The following PRKG2 variants were observed in gnomAD, a reference collection of about 807,000 sequenced individuals.
The protein encoded by PRKG2 is protein kinase cGMP-dependent 2, also known as cGMP-dependent protein kinase 2.
Under a neutral mutation model 97.2 loss-of-function variants are expected in PRKG2, and 33 were observed. That is an observed-to-expected ratio of 0.34 (90% CI 0.26 to 0.45). PRKG2 has a LOEUF of 0.45. Ranked by LOEUF, PRKG2 falls within the 20% of genes least tolerant of loss-of-function variation. PRKG2 has a pLI of 1.00. For missense variants in PRKG2, 638 were observed against 900.0 expected (o/e 0.71, Z 3.73); for synonymous variants, 330 against 321.8 (o/e 1.03, Z -0.27).
At chr4:81,154,595 C>T (rs1748817009) in intron 6 of PRKG2, among the ~76,000 whole-genome samples, 1 of 147,928 alleles carries the variant, frequency 6.8e-6, no homozygotes, top group South Asian at 2.1e-4. Flanking sequence ...ACAGAAAGGA[C>T]ATCCACAGCA....
In PRKG2 at chr4:81,144,331, C is replaced by A; in HGVS notation, c.1155-1G>T. 1.2e-6 allele frequency: 2 copies of A among 1,600,900 alleles called. No homozygotes were observed. Among genetic ancestry groups the A allele is most frequent in the South Asian group, 2.2e-5 (2 of 90,528 alleles). On this transcript the variant is annotated splice_acceptor_variant, in intron 9 of 18. Coordinates refer to ENST00000264399, the MANE Select transcript of PRKG2 (RefSeq NM_006259.3). LOFTEE classifies it high-confidence loss of function. ...TGTACCGACAGTTTGGTTGAATGTT[C>A]TAAATAGATAGAATAAAGTAAAATG...
At chr4:81,138,953 G>A (rs1560570825) in intron 12 of PRKG2, among the ~76,000 whole-genome samples, 1 of 152,280 alleles carries the variant, frequency 6.6e-6, no homozygotes, top group East Asian at 1.9e-4. Flanking sequence ...GATGGATAGG[G>A]AGAAAGAGTC....
intron 5 of PRKG2, among the ~76,000 whole-genome samples, chr4:81,169,045 G>A (rs1750233653): frequency 6.6e-6 from 1 of 151,816 alleles, no homozygotes; most frequent in African/African-American, 2.4e-5. Context: ...TGTGAGACTA[G>A]TTTTTTTCAC....
rs1748348655 is a variant in PRKG2, at chr4:81,151,033, A to G, written c.1085+927T>C. ...AGATTTGTGATTTTTAAAGACTCAA[A>G]TTTGTCTTCAGGTAATATCTGAACA... is the stretch of plus-strand genomic sequence containing the variant. On this transcript the variant is annotated intron_variant, in intron 8 of 18. Coordinates refer to ENST00000264399, the MANE Select transcript of PRKG2 (RefSeq NM_006259.3). Among the ~76,000 whole-genome samples, 2 of 152,046 alleles carry G rather than the reference A, an allele frequency of 1.3e-5. 1 individual carries two copies. Among genetic ancestry groups the G allele is most frequent in the South Asian group, 4.1e-4 (2 of 4,826 alleles).
At chr4:81,180,160 A>AAATG (rs1175626864) in intron 2 of PRKG2, among the ~76,000 whole-genome samples, 1 of 152,112 alleles carries the variant, frequency 6.6e-6, no homozygotes, top group Non-Finnish European at 1.5e-5. Context: ...ATAAATAAAT[A>AAATG]AATGAATGAA....
chr4:81,133,385 A>T (rs1292233185), intron 14 of PRKG2, among the ~76,000 whole-genome samples: 1 of 152,112 alleles, frequency 6.6e-6, no homozygotes. Context: ...CCCACACTAC[A>T]TAAGTCCAAC....
In PRKG2 at chr4:81,189,066, T is replaced by TAAAAAAAAAAAAAAAAAAAAAAAAAAA; in HGVS notation, c.462-14108_462-14107insTTTTTTTTTTTTTTTTTTTTTTTTTTT. Among the ~76,000 whole-genome samples, 6 of 17,062 alleles carry TAAAAAAAAAAAAAAAAAAAAAAAAAAA rather than the reference T, an allele frequency of 3.5e-4. 1 individual carries two copies. The highest frequency in any genetic ancestry group is 4.6e-4 in the Non-Finnish European group (6 of 12,996). 11.2% of individuals were successfully genotyped at this position (17,062 alleles called of 152,430 possible). On this transcript the variant is annotated intron_variant, in intron 2 of 18. Coordinates refer to ENST00000264399, the MANE Select transcript of PRKG2 (RefSeq NM_006259.3). ...AAAAAAAAAAGATTAAAAAAAATAA[T>TAAAAAAAAAAAAAAAAAAAAAAAAAAA]AAAAAAAAAAAAAAAAAAAAAAAAA...
At chr4:81,156,880 A>C (rs1281301662) in intron 6 of PRKG2, among the ~76,000 whole-genome samples, 1 of 152,214 alleles carries the variant, frequency 6.6e-6, no homozygotes, top group Non-Finnish European at 1.5e-5. Context: ...TTTGAAACCA[A>C]CAAGAACAAA....
intron 2 of PRKG2, among the ~76,000 whole-genome samples, chr4:81,189,066 T>TA: frequency 0.37 from 6,311 of 16,886 alleles, 1,614 homozygotes; most frequent in Non-Finnish European, 0.41. Context: ...AAAAAAATAA[T>TA]AAAAAAAAAA....
At chr4:81,146,267 CCACT>C (rs1185092245) in intron 9 of PRKG2, among the ~76,000 whole-genome samples, 1 of 152,118 alleles carries the variant, frequency 6.6e-6, no homozygotes, top group Non-Finnish European at 1.5e-5. Context: ...TAGAAATTCT[CCACT>C]AACTAATCCT....
chr4:81,171,632 C>A (rs1750486171), intron 4 of PRKG2, 59 bp downstream of exon 4: 1 of 1,335,302 alleles, frequency 7.5e-7, no homozygotes. Context: ...TGTGACTGGA[C>A]TAGATTATCT....
In PRKG2 at chr4:81,087,554, G is replaced by GT. The variant is rs1248930209; in HGVS notation, c.*2153dup. On this transcript the variant is annotated 3_prime_UTR_variant, in exon 19 of 19. Coordinates refer to ENST00000264399, the MANE Select transcript of PRKG2 (RefSeq NM_006259.3). ...AGTAGCTCCCGTCTATGCAGCAATG[G>GT]TTATTTCACAGATACCGGGCAAAAG... 6.6e-6 allele frequency: 1 copy of GT among 152,076 alleles called. No individual in the cohort carries two copies. Among genetic ancestry groups the GT allele is most frequent in the Non-Finnish European group, 1.5e-5 (1 of 67,968 alleles). 9.4% of individuals were successfully genotyped at this position (152,076 alleles called of 1,614,324 possible).
At chr4:81,207,668 C>T (rs1293777861) in intron 1 of PRKG2, among the ~76,000 whole-genome samples, 2 of 152,116 alleles carry the variant, frequency 1.3e-5, no homozygotes, top group Non-Finnish European at 2.9e-5. Flanking sequence ...CACCAATTAT[C>T]CTCTGGTTTA....
At position 81,167,473 on chromosome 4, in the gene PRKG2, G is replaced by GA. The variant is rs3832311; in HGVS notation, c.849-250dup. Reference sequence around the variant, plus strand: ...AAAATAGTAAGATACCAGACAGGGGGAAAAAAATCACATTTTGTCTATTTG... The same window carrying GA: ...AAAATAGTAAGATACCAGACAGGGGGAAAAAAAATCACATTTTGTCTATTTG... On this transcript the variant is annotated intron_variant, in intron 5 of 18. Coordinates refer to ENST00000264399, the MANE Select transcript of PRKG2 (RefSeq NM_006259.3). Among the ~76,000 whole-genome samples the GA allele has an allele frequency of 4.1e-4, 63 of 152,064 alleles. 1 individual carries two copies. The highest frequency in any genetic ancestry group is 1.4e-3 in the African/African-American group (57 of 41,508).
chr4:81,129,351 T>A (rs1745926951), intron 14 of PRKG2, among the ~76,000 whole-genome samples: 1 of 152,152 alleles, frequency 6.6e-6, no homozygotes, highest in Non-Finnish European at 1.5e-5. Flanking sequence ...TGACAGCAAT[T>A]CCTGAATATT....
In PRKG2 at chr4:81,189,066, T is replaced by TAAAAAAAAAAAAAAAAAAAAAA; in HGVS notation, c.462-14129_462-14108dup. Among the ~76,000 whole-genome samples the TAAAAAAAAAAAAAAAAAAAAAA allele has an allele frequency of 5.9e-4, 10 of 17,054 alleles. 3 individuals are homozygous for TAAAAAAAAAAAAAAAAAAAAAA. Among genetic ancestry groups the TAAAAAAAAAAAAAAAAAAAAAA allele is most frequent in the East Asian group, 6.8e-3 (2 of 294 alleles). 11.2% of individuals were successfully genotyped at this position (17,054 alleles called of 152,430 possible). On this transcript the variant is annotated intron_variant, in intron 2 of 18. Transcript: ENST00000264399. ...AAAAAAAAAAGATTAAAAAAAATAA[T>TAAAAAAAAAAAAAAAAAAAAAA]AAAAAAAAAAAAAAAAAAAAAAAAA...
intron 2 of PRKG2, among the ~76,000 whole-genome samples, chr4:81,189,066 T>TAAAATAAAAAAAA (rs1752192390): frequency 1.2e-4 from 2 of 17,062 alleles, no homozygotes; most frequent in African/African-American, 7.9e-4. Context: ...AAAAAAATAA[T>TAAAATAAAAAAAA]AAAAAAAAAA....
chr4:81,105,976 G>T, intron 15 of PRKG2, 41 bp from the exon 16 acceptor site: 5 of 1,563,262 alleles, frequency 3.2e-6, no homozygotes, highest in South Asian at 2.4e-5. Context: ...TTAATAACAG[G>T]GTCTGAGATC....
intron 12 of PRKG2, among the ~76,000 whole-genome samples, chr4:81,139,595 G>T (rs193197376): frequency 6.7e-6 from 1 of 149,572 alleles, no homozygotes; most frequent in Non-Finnish European, 1.5e-5. Flanking sequence ...GTGAAACCCC[G>T]TCTCTACTAA....
Sources: gnomAD v4.1 joint callset for allele counts (sites outside exome capture counted in the v4.1 genomes callset) on GRCh38, gnomAD v4.1.1 for gene constraint, MANE v1.5 for transcripts, NCBI Gene and HGNC (gene_info 2026-07-23, HGNC 2026-07-21) for gene names.